Variants in CAMTA1 observed in about 807,000 individuals in gnomAD.
CAMTA1 encodes the protein calmodulin binding transcription activator 1.
CAMTA1 carries 27 observed loss-of-function variants against 170.9 expected under a neutral mutation model. That is an observed-to-expected ratio of 0.16 (90% CI 0.12 to 0.22). CAMTA1 has a LOEUF of 0.22. Ranked by LOEUF, CAMTA1 falls within the 10% of genes least tolerant of loss-of-function variation. CAMTA1 has a pLI of 1.00. For synonymous variants in CAMTA1, 833 were observed against 891.5 expected (o/e 0.93, Z 1.17); for missense variants, 1,619 against 2,217.2 (o/e 0.73, Z 5.42).
intron 3 of CAMTA1, among the ~76,000 whole-genome samples, chr1:6,884,060 G>C (rs4908573): frequency 0.13 from 20,341 of 152,018 alleles, 1,801 homozygotes; most frequent in Admixed American, 0.28. Context: ...CTCATGGGAT[G>C]GTCATGGAGT....
At chr1:7,221,271 A>C (rs926435603) in intron 4 of CAMTA1, among the ~76,000 whole-genome samples, 2 of 150,230 alleles carry the variant, frequency 1.3e-5, no homozygotes, top group African/African-American at 4.9e-5. Flanking sequence ...CACAGCATTT[A>C]GTTACTTGTT....
intron 3 of CAMTA1, among the ~76,000 whole-genome samples, chr1:6,833,208 T>C (rs1017584047): frequency 1.9e-4 from 29 of 152,256 alleles, no homozygotes; most frequent in African/African-American, 7.0e-4. Context: ...GAACATTTTC[T>C]TTTAAGGAAG....
intron 5 of CAMTA1, among the ~76,000 whole-genome samples, chr1:7,448,314 G>A (rs1157782829): frequency 6.6e-6 from 1 of 152,230 alleles, no homozygotes; most frequent in Non-Finnish European, 1.5e-5. Context: ...CTGGGTGACA[G>A]GAAGGTGTGA....
intron 4 of CAMTA1, among the ~76,000 whole-genome samples, chr1:7,225,655 A>G (rs973874634): frequency 6.6e-6 from 1 of 152,194 alleles, no homozygotes; most frequent in African/African-American, 2.4e-5. Context: ...GAAAGGGTGG[A>G]AGCTCAGACA....
intron 3 of CAMTA1, among the ~76,000 whole-genome samples, chr1:7,068,238 T>C (rs1313878618): frequency 1.3e-5 from 2 of 152,202 alleles, no homozygotes; most frequent in African/African-American, 2.4e-5. Flanking sequence ...TCCAGGCTCA[T>C]TGTGTTGTGC....
chr1:7,587,723 G>A (rs1011119894), intron 6 of CAMTA1, among the ~76,000 whole-genome samples: 2 of 151,966 alleles, frequency 1.3e-5, no homozygotes, highest in African/African-American at 2.4e-5. Flanking sequence ...GGGCTCCCCC[G>A]AGCGCCCAGC....
intron 3 of CAMTA1, among the ~76,000 whole-genome samples, chr1:6,867,638 A>G (rs1395573529): frequency 1.3e-5 from 2 of 152,200 alleles, no homozygotes; most frequent in Non-Finnish European, 2.9e-5. Flanking sequence ...ACTAACATGA[A>G]TTCTAACATG....
chr1:6,876,226 C>T (rs569625729), intron 3 of CAMTA1, among the ~76,000 whole-genome samples: 41 of 151,808 alleles, frequency 2.7e-4, no homozygotes, highest in African/African-American at 9.7e-4. Flanking sequence ...TTCCCTCTTT[C>T]CTTGTTTTCT....
chr1:7,028,197 C>G (rs967125534), intron 3 of CAMTA1, among the ~76,000 whole-genome samples: 1 of 152,110 alleles, frequency 6.6e-6, no homozygotes, highest in African/African-American at 2.4e-5. Context: ...GTGCCACTGC[C>G]TGAAATATTC....
At chr1:7,488,434 G>A (rs2093647645) in intron 6 of CAMTA1, among the ~76,000 whole-genome samples, 1 of 152,068 alleles carries the variant, frequency 6.6e-6, no homozygotes, top group Admixed American at 6.5e-5. Flanking sequence ...CCTGAGAGGG[G>A]CTGGGATCAG....
At chr1:6,905,188 CTTT>C (rs34960802) in intron 3 of CAMTA1, among the ~76,000 whole-genome samples, 5 of 109,922 alleles carry the variant, frequency 4.5e-5, no homozygotes, top group African/African-American at 1.2e-4. Context: ...TGCCTTGTTC[CTTT>C]TTTTTTTTTT....
At chr1:6,861,924 A>G (rs1664835343) in intron 3 of CAMTA1, among the ~76,000 whole-genome samples, 1 of 150,314 alleles carries the variant, frequency 6.7e-6, no homozygotes, top group Non-Finnish European at 1.5e-5. Flanking sequence ...GAATTTGACT[A>G]TTCTAAGTAC....
At chr1:7,597,534 C>G (rs2095409405) in intron 6 of CAMTA1, among the ~76,000 whole-genome samples, 1 of 152,046 alleles carries the variant, frequency 6.6e-6, no homozygotes, top group African/African-American at 2.4e-5. Flanking sequence ...CTGTATTAGT[C>G]AGGGTTCTCC....
chr1:7,533,320 A>C (rs1322109201), intron 6 of CAMTA1, among the ~76,000 whole-genome samples: 3 of 152,126 alleles, frequency 2.0e-5, no homozygotes, highest in Non-Finnish European at 2.9e-5. Context: ...GAAGAGAGGG[A>C]GGTGGGCCAG....
intron 3 of CAMTA1, among the ~76,000 whole-genome samples, chr1:6,901,322 G>T (rs1255430318): frequency 6.6e-6 from 1 of 152,126 alleles, no homozygotes; most frequent in Non-Finnish European, 1.5e-5. Flanking sequence ...ATGACCTTGG[G>T]TTAGCAGTGA....
chr1:7,450,635 A>C (rs1002890611), intron 5 of CAMTA1, among the ~76,000 whole-genome samples: 1 of 152,244 alleles, frequency 6.6e-6, no homozygotes, highest in African/African-American at 2.4e-5. Context: ...TTAGCAGCAC[A>C]TTGGATTCCA....
chr1:6,825,167 G>C lies in CAMTA1; in HGVS notation c.191G>C (p.Cys64Ser). Reference sequence around the variant, plus strand: ...AAGCTGCTTGAATGTCTGCCGAAATGTTCAAGTTTACCAAAAGAGAGGCAC... The same window carrying C: ...AAGCTGCTTGAATGTCTGCCGAAATCTTCAAGTTTACCAAAAGAGAGGCAC... ...PKKLLECLPK[C>S]SSLPKERHRW... Residue 64 changes from cysteine to serine, a missense_variant, in exon 3 of 23, where the codon TGT (cysteine) becomes TCT (serine). Transcript: ENST00000303635. 6.2e-7 allele frequency: 1 copy of C among 1,611,232 alleles called. No homozygotes were observed. Among genetic ancestry groups the C allele is most frequent in the Non-Finnish European group, 8.5e-7 (1 of 1,178,926 alleles).
At chr1:6,834,537 G>T in intron 3 of CAMTA1, 1 of 248,648 alleles carries the variant, frequency 4.0e-6, no homozygotes, top group South Asian at 6.0e-5. Context: ...AACTTCTGAA[G>T]GTGGTAGGCC....
chr1:7,418,462 G>A (rs562708514), intron 5 of CAMTA1, among the ~76,000 whole-genome samples: 1 of 152,300 alleles, frequency 6.6e-6, no homozygotes, highest in South Asian at 2.1e-4. Context: ...GCCTCCCAAA[G>A]TGCTTGGATT....
Sources: gnomAD v4.1 joint callset for allele counts (sites outside exome capture counted in the v4.1 genomes callset) on GRCh38, gnomAD v4.1.1 for gene constraint, MANE v1.5 for transcripts, NCBI Gene and HGNC (gene_info 2026-07-23, HGNC 2026-07-21) for gene names.